Variants in HYAL4 observed in about 807,000 individuals in gnomAD.
HYAL4 encodes the protein hyaluronidase 4.
HYAL4 carries 37 observed loss-of-function variants against 35.2 expected under a neutral mutation model. The ratio of observed to expected loss-of-function variants is 1.05; its 90% confidence interval spans 0.81 to 1.38. The LOEUF (loss-of-function observed/expected upper bound fraction) is 1.38. Ranked by LOEUF, HYAL4 falls within the 40% of genes most tolerant of loss-of-function variation. HYAL4 has a pLI of 0.00. For missense variants in HYAL4, 572 were observed against 572.4 expected (o/e 1.00, Z 0.01); for synonymous variants, 198 against 203.2 (o/e 0.97, Z 0.22).
chr7:123,867,097 T>A (rs531622222), intron 2 of HYAL4, among the ~76,000 whole-genome samples: 72 of 152,306 alleles, frequency 4.7e-4, no homozygotes, highest in African/African-American at 1.5e-3. Context: ...ATCTTCTCTT[T>A]TAACTCCAGT....
intron 1 of HYAL4, among the ~76,000 whole-genome samples, chr7:123,834,606 C>A (rs1279245908): frequency 1.3e-5 from 2 of 152,110 alleles, no homozygotes; most frequent in African/African-American, 4.8e-5. Context: ...GCTAAGACTT[C>A]CAGTACTATG....
chr7:123,790,946 G>A, the HYAL4 span, among the ~76,000 whole-genome samples: 2 of 151,876 alleles, frequency 1.3e-5, no homozygotes, highest in African/African-American at 4.8e-5. Context: ...TGTATTTTTA[G>A]TAGAGACAGG....
At chr7:123,834,932 A>ACTTGAT (rs1479210648) in intron 1 of HYAL4, among the ~76,000 whole-genome samples, 1 of 152,076 alleles carries the variant, frequency 6.6e-6, no homozygotes, top group African/African-American at 2.4e-5. Flanking sequence ...TATGAAACCC[A>ACTTGAT]CTTGATCATG....
At chr7:123,861,171 C>G (rs1806568205) in intron 2 of HYAL4, among the ~76,000 whole-genome samples, 1 of 152,100 alleles carries the variant, frequency 6.6e-6, no homozygotes, top group Admixed American at 6.6e-5. Flanking sequence ...AGGTTGGGGA[C>G]TCAGCTCCCC....
At chr7:123,876,691 G>A (rs372298724) in intron 4 of HYAL4, 63 bp from the exon 5 acceptor site, 20 of 1,518,428 alleles carry the variant, frequency 1.3e-5, no homozygotes, top group East Asian at 2.3e-5. Flanking sequence ...CACTAAAATC[G>A]ATTTCTTTGT....
chr7:123,803,614 A>G, the HYAL4 span, among the ~76,000 whole-genome samples: 2 of 152,198 alleles, frequency 1.3e-5, no homozygotes, highest in African/African-American at 4.8e-5. Flanking sequence ...TCAAAATTCT[A>G]TCTTCAGATC....
intron 2 of HYAL4, among the ~76,000 whole-genome samples, chr7:123,857,839 ACAT>A (rs1313493187): frequency 6.6e-6 from 1 of 152,050 alleles, no homozygotes; most frequent in African/African-American, 2.4e-5. Context: ...AACATCAAGA[ACAT>A]CATCATTTAT....
chr7:123,848,276 A>C (rs191220823), intron 2 of HYAL4, 118 bp downstream of exon 2: 82 of 152,498 alleles, frequency 5.4e-4, no homozygotes, highest in Admixed American at 2.0e-3. Context: ...TTTGCAGCCT[A>C]ACTTTACTTA....
the HYAL4 span, among the ~76,000 whole-genome samples, chr7:123,786,834 G>A: frequency 6.6e-6 from 1 of 151,846 alleles, no homozygotes; most frequent in Non-Finnish European, 1.5e-5. Context: ...TTAACTGGGC[G>A]CGGTGGCTCA....
At chr7:123,869,837 A>ACCCCCC (rs36110237) in intron 3 of HYAL4, among the ~76,000 whole-genome samples, 24 of 140,056 alleles carry the variant, frequency 1.7e-4, no homozygotes, top group East Asian at 6.0e-4. Flanking sequence ...ACAGGTGCTC[A>ACCCCCC]CCCCCCCCCA....
At chr7:123,870,194 C>G (rs146838983) in intron 3 of HYAL4, among the ~76,000 whole-genome samples, 31 of 152,266 alleles carry the variant, frequency 2.0e-4, no homozygotes, top group African/African-American at 7.0e-4. Context: ...GTTCTGAGTT[C>G]TAGGCATCCT....
intron 2 of HYAL4, among the ~76,000 whole-genome samples, chr7:123,862,028 T>A (rs752605031): frequency 6.6e-6 from 1 of 152,160 alleles, no homozygotes; most frequent in African/African-American, 2.4e-5. Context: ...TTGCAGAGCA[T>A]TGATGTTTCA....
At chr7:123,806,544 A>G in the HYAL4 span, among the ~76,000 whole-genome samples, 19 of 151,992 alleles carry the variant, frequency 1.3e-4, 1 homozygote, top group African/African-American at 4.6e-4. Context: ...CACAGGTTCA[A>G]GCGATTCTCC....
chr7:123,850,236 A>G (rs1019792407), intron 2 of HYAL4, among the ~76,000 whole-genome samples: 1 of 152,108 alleles, frequency 6.6e-6, no homozygotes, highest in African/African-American at 2.4e-5. Context: ...AAATATGAAT[A>G]CTTAGATTTT....
At chr7:123,831,291 G>A (rs533144196) in intron 1 of HYAL4, among the ~76,000 whole-genome samples, 53 of 152,250 alleles carry the variant, frequency 3.5e-4, no homozygotes, top group African/African-American at 1.2e-3. Flanking sequence ...CAGCATGAAA[G>A]CCCTCACCAG....
the HYAL4 span, among the ~76,000 whole-genome samples, chr7:123,770,415 C>T: frequency 6.7e-6 from 1 of 148,602 alleles, no homozygotes; most frequent in South Asian, 2.1e-4. Flanking sequence ...GCACTCAAGC[C>T]TGGGCGGCAG....
the HYAL4 span, among the ~76,000 whole-genome samples, chr7:123,767,226 A>T: frequency 3.9e-5 from 6 of 152,198 alleles, no homozygotes; most frequent in Non-Finnish European, 8.8e-5. Flanking sequence ...TTTATCGTAT[A>T]TGCCTCTCAT....
the HYAL4 span, among the ~76,000 whole-genome samples, chr7:123,810,645 C>T: frequency 5.0e-4 from 76 of 152,322 alleles, 2 homozygotes; most frequent in African/African-American, 1.8e-3. Context: ...TTTATTATAA[C>T]TGATGAACCT....
the HYAL4 span, among the ~76,000 whole-genome samples, chr7:123,770,059 T>G: frequency 6.6e-6 from 1 of 152,128 alleles, no homozygotes; most frequent in Non-Finnish European, 1.5e-5. Context: ...GAATAAAGTT[T>G]AAACTAAATA....
Sources: gnomAD v4.1 joint callset for allele counts (sites outside exome capture counted in the v4.1 genomes callset) on GRCh38, gnomAD v4.1.1 for gene constraint, MANE v1.5 for transcripts, NCBI Gene and HGNC (gene_info 2026-07-23, HGNC 2026-07-21) for gene names.